ANKFN1: variants seen among roughly 807,000 people sequenced by gnomAD.
ANKFN1 encodes ankyrin repeat and fibronectin type-III domain-containing protein 1.
Under a neutral mutation model 108.7 loss-of-function variants are expected in ANKFN1, and 74 were observed. That is an observed-to-expected ratio of 0.68 (90% CI 0.56 to 0.83). The LOEUF (loss-of-function observed/expected upper bound fraction) is 0.83. Among genes scored for constraint, ANKFN1 ranks in the 40% least tolerant of loss-of-function variants. The probability of loss-of-function intolerance (pLI) is 0.00; values close to 1 mark genes in which losing one functional copy is unlikely to be tolerated. For missense variants in ANKFN1, 1,505 were observed against 1,382.3 expected, an observed-to-expected ratio of 1.09 and a Z score of -1.41; for synonymous variants, 547 against 516.2, an observed-to-expected ratio of 1.06 and a Z score of -0.81.
chr17:56,157,483 C>G (rs1034933337), intron 1 of ANKFN1, among the ~76,000 whole-genome samples: 14 of 152,182 alleles, frequency 9.2e-5, no homozygotes, highest in African/African-American at 3.1e-4. Context: ...CTTGCTTATT[C>G]CCAGAGACCA....
At chr17:56,075,205 A>T (rs1334997218) in intron 4 of ANKFN1, among the ~76,000 whole-genome samples, 1 of 152,174 alleles carries the variant, frequency 6.6e-6, no homozygotes, top group African/African-American at 2.4e-5. Context: ...TTTAATTGTG[A>T]TTCAGCCACT....
At chr17:56,115,358 G>A (rs1388834182) in intron 4 of ANKFN1, among the ~76,000 whole-genome samples, 2 of 152,152 alleles carry the variant, frequency 1.3e-5, no homozygotes, top group Admixed American at 1.3e-4. Context: ...AGATCTGTAA[G>A]TACTGACATG....
chr17:56,098,936 T>G (rs1048490927), intron 4 of ANKFN1, among the ~76,000 whole-genome samples: 10 of 152,136 alleles, frequency 6.6e-5, no homozygotes, highest in Admixed American at 2.0e-4. Context: ...CGGTTACATC[T>G]GCCAAGCTCA....
intron 1 of ANKFN1, among the ~76,000 whole-genome samples, chr17:56,173,504 T>A (rs1357146054): frequency 6.6e-6 from 1 of 152,042 alleles, no homozygotes; most frequent in East Asian, 1.9e-4. Flanking sequence ...TACTTCACTC[T>A]CTCTCCCACA....
At chr17:56,100,148 G>T (rs1469258445) in intron 4 of ANKFN1, among the ~76,000 whole-genome samples, 1 of 152,192 alleles carries the variant, frequency 6.6e-6, no homozygotes, top group Non-Finnish European at 1.5e-5. Context: ...GCTGCAAAAT[G>T]GCAGTGAAGG....
At chr17:56,389,894 G>A (rs141920902) in intron 8 of ANKFN1, among the ~76,000 whole-genome samples, 73 of 152,140 alleles carry the variant, frequency 4.8e-4, no homozygotes, top group African/African-American at 1.6e-3. Context: ...TCTTGAACCA[G>A]TTCCCCCACC....
chr17:56,204,842 G>A (rs927403317), intron 1 of ANKFN1, among the ~76,000 whole-genome samples: 2 of 152,066 alleles, frequency 1.3e-5, no homozygotes, highest in African/African-American at 4.8e-5. Context: ...TTGTGAGGCC[G>A]AGGTGGGCGG....
intron 3 of ANKFN1, among the ~76,000 whole-genome samples, chr17:56,314,964 T>C (rs2045156334): frequency 6.6e-6 from 1 of 152,236 alleles, no homozygotes; most frequent in Non-Finnish European, 1.5e-5. Flanking sequence ...TGATACCCTC[T>C]CAGGCAGAGA....
chr17:56,339,619 C>T (rs1333620549), intron 4 of ANKFN1, among the ~76,000 whole-genome samples: 1 of 152,086 alleles, frequency 6.6e-6, no homozygotes, highest in Non-Finnish European at 1.5e-5. Flanking sequence ...CACCCATGTC[C>T]CTGCAAAGGT....
intron 4 of ANKFN1, among the ~76,000 whole-genome samples, chr17:56,053,278 C>G (rs952702247): frequency 2.6e-5 from 4 of 152,094 alleles, no homozygotes; most frequent in African/African-American, 7.2e-5. Flanking sequence ...TCACCTCATG[C>G]CTTTATCCCC....
At chr17:56,386,754 T>C (rs1418865225) in intron 8 of ANKFN1, among the ~76,000 whole-genome samples, 1 of 152,064 alleles carries the variant, frequency 6.6e-6, no homozygotes, top group Non-Finnish European at 1.5e-5. Flanking sequence ...TATCGTCTTT[T>C]ATCAAAATTC....
At chr17:56,146,481 C>T (rs1358258800) in intron 4 of ANKFN1, among the ~76,000 whole-genome samples, 6 of 152,336 alleles carry the variant, frequency 3.9e-5, no homozygotes, top group Middle Eastern at 3.4e-3. Context: ...GCCTGGACAT[C>T]CAGGCATTTC....
intron 4 of ANKFN1, among the ~76,000 whole-genome samples, chr17:56,095,914 T>G (rs758985800): frequency 9.9e-5 from 15 of 152,164 alleles, no homozygotes; most frequent in Non-Finnish European, 2.1e-4. Context: ...AGGATTTTAG[T>G]CTGATGTAAA....
At chr17:56,056,567 A>T (rs1432219182) in intron 4 of ANKFN1, among the ~76,000 whole-genome samples, 1 of 152,192 alleles carries the variant, frequency 6.6e-6, no homozygotes, top group East Asian at 1.9e-4. Flanking sequence ...AAAATAAGCA[A>T]TGGAGATAGG....
At chr17:56,327,425 TG>T (rs1409549615) in intron 4 of ANKFN1, among the ~76,000 whole-genome samples, 1 of 152,154 alleles carries the variant, frequency 6.6e-6, no homozygotes, top group Non-Finnish European at 1.5e-5. Context: ...CAGACAAAGT[TG>T]TGGCCTTGGG....
intron 14 of ANKFN1, among the ~76,000 whole-genome samples, chr17:56,459,880 T>G (rs565929335): frequency 3.9e-5 from 6 of 152,288 alleles, no homozygotes; most frequent in African/African-American, 1.2e-4. Context: ...CTCACCACTT[T>G]TCATAATGCA....
At chr17:56,259,468 G>C (rs1459311285) in intron 3 of ANKFN1, among the ~76,000 whole-genome samples, 3 of 152,238 alleles carry the variant, frequency 2.0e-5, no homozygotes, top group Admixed American at 1.3e-4. Flanking sequence ...CCTGACTTCA[G>C]GAGCCCAATT....
rs187144443 is a variant in ANKFN1, at chr17:56,090,022, G to A, written c.288+43697G>A. 1.6e-3 allele frequency among the ~76,000 whole-genome samples: 246 copies of A among 151,558 alleles called. 11 individuals are homozygous for A. The highest frequency in any genetic ancestry group is 2.4e-3 in the Non-Finnish European group (161 of 67,778). Reference sequence around the variant, plus strand: ...ACTGTTGAAAGCGGAAGGATATCAGGGAAAGATTTGTGGATTTGAGTTGGA... The same window carrying A: ...ACTGTTGAAAGCGGAAGGATATCAGAGAAAGATTTGTGGATTTGAGTTGGA... On this transcript the variant is annotated intron_variant, in intron 4 of 12. Transcript: ENST00000635860.
chr17:56,372,649 T>G lies in ANKFN1; in HGVS notation c.605T>G (p.Val202Gly). 1 of 1,611,198 alleles carries G rather than the reference T, an allele frequency of 6.2e-7. No individual in the cohort carries two copies. Among genetic ancestry groups the G allele is most frequent in the Non-Finnish European group, 8.5e-7 (1 of 1,179,324 alleles). ...RTGARESPHF[V>G]SLESRAMHLN... The stretch of plus-strand genomic sequence containing the variant: ...AATCCCATTTCTTTCCCTTTAGTTG[T>G]CAGCCTGGAAAGCCGAGCAATGCAC... Residue 202 changes from valine to glycine, a missense_variant, in exon 7 of 21, where the codon GTC (valine) becomes GGC (glycine). Val to Gly is a moderately radical substitution (Grantham distance 109, BLOSUM62 -3). Coordinates refer to ENST00000682825, the MANE Select transcript of ANKFN1 (RefSeq NM_001370326.1).
Sources: gnomAD v4.1 joint callset for allele counts (sites outside exome capture counted in the v4.1 genomes callset) on GRCh38, gnomAD v4.1.1 for gene constraint, MANE v1.5 for transcripts, NCBI Gene and HGNC (gene_info 2026-07-23, HGNC 2026-07-21) for gene names.